KRT8: variants seen among roughly 807,000 people sequenced by gnomAD.
KRT8 encodes keratin 8, also known as keratin, type II cytoskeletal 8.
In KRT8, 24 loss-of-function variants were observed where a neutral mutation model predicts 43.0. That is an observed-to-expected ratio of 0.56 (90% CI 0.40 to 0.78). The LOEUF (loss-of-function observed/expected upper bound fraction) is 0.78. KRT8 is among the 30% of genes least tolerant of loss of function. The pLI, the probability that KRT8 is intolerant of heterozygous loss-of-function variation, is 0.00. For missense variants in KRT8, 492 were observed against 638.4 expected (o/e 0.77, Z 2.47); for synonymous variants, 214 against 261.2 (o/e 0.82, Z 1.74).
At chr12:52,901,345 G>C (rs564430514) in intron 2 of KRT8, 126 bp from the exon 3 acceptor site, 220 of 762,648 alleles carry the variant, frequency 2.9e-4, no homozygotes, top group African/African-American at 9.7e-4. Flanking sequence ...ATATGAGAAG[G>C]CTGGTCCTTC....
chr12:52,922,601 A>G (rs998304991), intron 2 of KRT8, among the ~76,000 whole-genome samples: 7 of 152,226 alleles, frequency 4.6e-5, no homozygotes, highest in Non-Finnish European at 1.0e-4. Context: ...TGAACCCAGG[A>G]GGCAGACTTT....
chr12:52,938,638 G>C (rs1242621547), intron 2 of KRT8, among the ~76,000 whole-genome samples: 1 of 144,858 alleles, frequency 6.9e-6, no homozygotes, highest in African/African-American at 2.6e-5. Context: ...TTTTTTTTGA[G>C]ACGGAGTCTC....
At position 52,949,150 on chromosome 12, in the gene KRT8, G is replaced by A. The variant is rs762618085; in HGVS notation, c.-47+306C>T. On this transcript the variant is annotated intron_variant, in intron 2 of 6. Coordinates refer to the KRT8 transcript ENST00000546826. ...CCGTCGTCCGCAAAGCCTGAGTCCT[G>A]TCCTTTCTCTCTCCCCGGACAGCAT... is the stretch of plus-strand genomic sequence containing the variant. 3.8e-6 allele frequency: 6 copies of A among 1,581,482 alleles called. No individual in the cohort carries two copies. The African/African-American group carries it at 8.1e-5, about 21-fold the overall frequency.
At chr12:52,909,799 T>C (rs1392049279), upstream of KRT8, among the ~76,000 whole-genome samples, 1 of 152,234 alleles carries the variant, frequency 6.6e-6, no homozygotes, top group Non-Finnish European at 1.5e-5. Context: ...TCTGTGAATG[T>C]TCTCTGGTTT....
chr12:52,905,127 C>CG, upstream of KRT8: 1 of 1,421,922 alleles, frequency 7.0e-7, no homozygotes, highest in Non-Finnish European at 9.2e-7. Flanking sequence ...GGAAAGGCCT[C>CG]GTACCTGAGT....
At chr12:52,908,430 T>C (rs1380331674), upstream of KRT8, among the ~76,000 whole-genome samples, 4 of 152,156 alleles carry the variant, frequency 2.6e-5, no homozygotes, top group African/African-American at 9.7e-5. Flanking sequence ...AAATGACGAA[T>C]GGATTTCTTT....
chr12:52,909,422 G>T (rs936479994), upstream of KRT8, among the ~76,000 whole-genome samples: 2 of 152,252 alleles, frequency 1.3e-5, no homozygotes, highest in African/African-American at 4.8e-5. Context: ...CACAGGTGGT[G>T]GGTACACCCC....
exon 6 of KRT8, chr12:52,898,804 G>T (rs1256826920): frequency 6.2e-7 from 1 of 1,614,072 alleles, no homozygotes. Flanking sequence ...CCCGCTGCAG[G>T]GCGGCCTCCA....
exon 5 of KRT8, chr12:52,899,923 G>T (rs759500156): frequency 1.2e-6 from 2 of 1,613,218 alleles, no homozygotes; most frequent in African/African-American, 1.3e-5. Flanking sequence ...CATGCTCTCA[G>T]CCTCAGCCCG....
chr12:52,942,429 C>T (rs751952830), intron 2 of KRT8, among the ~76,000 whole-genome samples: 1 of 152,162 alleles, frequency 6.6e-6, no homozygotes, highest in African/African-American at 2.4e-5. Flanking sequence ...GATTCTTAAC[C>T]CCATGATTTT....
At chr12:52,928,584 T>C (rs1482939475) in intron 2 of KRT8, among the ~76,000 whole-genome samples, 1 of 152,080 alleles carries the variant, frequency 6.6e-6, no homozygotes, top group Non-Finnish European at 1.5e-5. Flanking sequence ...CTTGTAGTCA[T>C]GCTCATGTCA....
upstream of KRT8, among the ~76,000 whole-genome samples, chr12:52,909,265 A>G (rs1003817540): frequency 1.3e-5 from 2 of 152,252 alleles, no homozygotes; most frequent in African/African-American, 4.8e-5. Context: ...CCCCAGGTAA[A>G]GAGGCTTCCT....
intron 2 of KRT8, among the ~76,000 whole-genome samples, chr12:52,927,249 CCTT>C (rs1411465218): frequency 2.0e-5 from 3 of 152,156 alleles, no homozygotes; most frequent in African/African-American, 7.2e-5. Context: ...GAGTTCCAGT[CCTT>C]CTCTCCACCC....
chr12:52,938,947 T>C (rs553116994), intron 2 of KRT8, among the ~76,000 whole-genome samples: 8 of 152,160 alleles, frequency 5.3e-5, no homozygotes, highest in Non-Finnish European at 1.0e-4. Context: ...CAGCCAGGTT[T>C]AGTGGTATGG....
chr12:52,934,917 C>A (rs950542946), intron 2 of KRT8, among the ~76,000 whole-genome samples: 3 of 151,362 alleles, frequency 2.0e-5, no homozygotes, highest in Non-Finnish European at 2.9e-5. Flanking sequence ...TGCAGTGAGC[C>A]GAGGTCGCAC....
At chr12:52,947,478 TTTA>T (rs1942364563) in intron 2 of KRT8, 1 of 152,004 alleles carries the variant, frequency 6.6e-6, no homozygotes. Context: ...CTTTTATTTA[TTTA>T]TTTATTTATT....
At chr12:52,911,882 A>G (rs1016451427), upstream of KRT8, among the ~76,000 whole-genome samples, 6 of 152,126 alleles carry the variant, frequency 3.9e-5, no homozygotes, top group African/African-American at 1.4e-4. Context: ...CAAAAAAATT[A>G]GCCAAGTATG....
intron 2 of KRT8, among the ~76,000 whole-genome samples, chr12:52,915,358 A>G (rs1179703665): frequency 6.7e-6 from 1 of 149,810 alleles, no homozygotes; most frequent in Admixed American, 6.7e-5. Flanking sequence ...TGGGCAACAG[A>G]GCAAGACTCC....
chr12:52,941,807 C>T (rs1442427196), intron 2 of KRT8, among the ~76,000 whole-genome samples: 1 of 151,962 alleles, frequency 6.6e-6, no homozygotes, highest in Non-Finnish European at 1.5e-5. Context: ...CTTTTTGAAG[C>T]CCTGTCTGAG....
Sources: allele counts gnomAD v4.1 joint callset (sites outside exome capture counted in the v4.1 genomes callset), GRCh38; gene constraint gnomAD v4.1.1; transcripts MANE v1.5; gene names NCBI Gene and HGNC (gene_info 2026-07-23, HGNC 2026-07-21).